Variants in FNBP1 observed in about 807,000 individuals in gnomAD.
The protein encoded by FNBP1 is formin-binding protein 1.
A neutral mutation model predicts 90.6 loss-of-function variants in FNBP1; 26 were observed. The observed-to-expected ratio is 0.29, with a 90% CI of 0.21 to 0.40. FNBP1 has a LOEUF of 0.40. Ranked by LOEUF, FNBP1 falls within the 10% of genes least tolerant of loss-of-function variation. The pLI is 1.00. For missense variants in FNBP1, 635 were observed against 768.0 expected, an observed-to-expected ratio of 0.83 and a Z score of 2.05; for synonymous variants, 260 against 265.2, an observed-to-expected ratio of 0.98 and a Z score of 0.19.
chr9:129,947,399 C>T (rs2045466311), intron 6 of FNBP1, among the ~76,000 whole-genome samples: 1 of 146,254 alleles, frequency 6.8e-6, no homozygotes, highest in Non-Finnish European at 1.5e-5. Flanking sequence ...GAGATCGCGC[C>T]ATTGCACTCC....
At chr9:130,002,056 T>C (rs539151246) in intron 1 of FNBP1, among the ~76,000 whole-genome samples, 3 of 141,044 alleles carry the variant, frequency 2.1e-5, no homozygotes, top group Admixed American at 7.1e-5. Context: ...AAGCCGGGCA[T>C]GGAGACCCAT....
chr9:130,020,966 C>T (rs2057772764), intron 1 of FNBP1, among the ~76,000 whole-genome samples: 2 of 151,970 alleles, frequency 1.3e-5, no homozygotes, highest in South Asian at 2.1e-4. Context: ...TACTCAGATC[C>T]CTGCCTCTGA....
intron 10 of FNBP1, among the ~76,000 whole-genome samples, chr9:129,917,396 A>G (rs1343186672): frequency 4.6e-5 from 7 of 151,948 alleles, no homozygotes; most frequent in Admixed American, 3.3e-4. Flanking sequence ...ATGGTGGCAC[A>G]ATCCCAGCTC....
intron 1 of FNBP1, among the ~76,000 whole-genome samples, chr9:130,012,615 G>T (rs2056761276): frequency 6.6e-6 from 1 of 152,056 alleles, no homozygotes; most frequent in Non-Finnish European, 1.5e-5. Flanking sequence ...TGGATCCTGA[G>T]GTAGGAAATT....
intron 10 of FNBP1, among the ~76,000 whole-genome samples, chr9:129,916,439 GAAAC>G (rs2040264481): frequency 1.3e-5 from 2 of 152,004 alleles, no homozygotes; most frequent in Non-Finnish European, 2.9e-5. Context: ...CCAACACGGA[GAAAC>G]CCTGTCTCTA....
chr9:129,988,614 T>C (rs1451086658), intron 2 of FNBP1, among the ~76,000 whole-genome samples: 1 of 151,458 alleles, frequency 6.6e-6, no homozygotes, highest in Middle Eastern at 3.5e-3. Context: ...GAGGTGGAGG[T>C]TGCAGTGAGC....
At chr9:130,028,724 A>T (rs1014318910) in intron 1 of FNBP1, among the ~76,000 whole-genome samples, 2 of 152,224 alleles carry the variant, frequency 1.3e-5, no homozygotes, top group African/African-American at 4.8e-5. Context: ...GCAACACGTT[A>T]TGACAGCTAT....
At chr9:129,914,438 A>C (rs1275623575) in intron 11 of FNBP1, among the ~76,000 whole-genome samples, 1 of 151,966 alleles carries the variant, frequency 6.6e-6, no homozygotes, top group East Asian at 1.9e-4. Context: ...AGACTGCCTA[A>C]AAATATTACC....
chr9:130,019,005 G>A (rs572991923), intron 1 of FNBP1, among the ~76,000 whole-genome samples: 2 of 152,174 alleles, frequency 1.3e-5, no homozygotes, highest in African/African-American at 4.8e-5. Flanking sequence ...CAAGTGGATC[G>A]CCTGAGCTCA....
At chr9:129,955,446 G>A (rs561765269) in intron 6 of FNBP1, among the ~76,000 whole-genome samples, 2 of 151,854 alleles carry the variant, frequency 1.3e-5, no homozygotes, top group Non-Finnish European at 2.9e-5. Context: ...ATGTTGCCCA[G>A]GCTGGATCTG....
intron 8 of FNBP1, among the ~76,000 whole-genome samples, chr9:129,925,828 A>T (rs2041822695): frequency 6.6e-6 from 1 of 151,664 alleles, no homozygotes; most frequent in Admixed American, 6.6e-5. Context: ...TCTTGACCTC[A>T]GGTGATCCGC....
chr9:129,926,600 G>A (rs1275579249), intron 8 of FNBP1, among the ~76,000 whole-genome samples: 1 of 151,918 alleles, frequency 6.6e-6, no homozygotes, highest in African/African-American at 2.4e-5. Flanking sequence ...AAGGAACCCT[G>A]TTTTGGCCGG....
At chr9:129,995,164 C>T (rs541572500) in intron 1 of FNBP1, among the ~76,000 whole-genome samples, 1 of 152,250 alleles carries the variant, frequency 6.6e-6, no homozygotes, top group African/African-American at 2.4e-5. Context: ...TGAACTCTGA[C>T]CTATTCATTC....
At chr9:129,935,869 T>C (rs2043363744) in intron 6 of FNBP1, among the ~76,000 whole-genome samples, 1 of 152,194 alleles carries the variant, frequency 6.6e-6, no homozygotes, top group African/African-American at 2.4e-5. Flanking sequence ...TATTTATACA[T>C]TGATCGAATG....
At chr9:129,983,969 A>G (rs1323142601) in intron 2 of FNBP1, among the ~76,000 whole-genome samples, 1 of 152,176 alleles carries the variant, frequency 6.6e-6, no homozygotes, top group East Asian at 1.9e-4. Flanking sequence ...TAGCCTGACT[A>G]AAAGGTAAAA....
chr9:129,968,020 T>C (rs1248854267), intron 4 of FNBP1, among the ~76,000 whole-genome samples: 1 of 150,734 alleles, frequency 6.6e-6, no homozygotes, highest in Non-Finnish European at 1.5e-5. Context: ...ACCAGACCAG[T>C]GGTTTTGCAG....
intron 1 of FNBP1, among the ~76,000 whole-genome samples, chr9:130,029,083 T>C (rs1406821152): frequency 3.3e-5 from 5 of 152,220 alleles, no homozygotes; most frequent in Non-Finnish European, 7.3e-5. Flanking sequence ...TTTTTACTAT[T>C]TGGTTAACTG....
Position 129,887,699 on chromosome 9 carries a change from AC to A in FNBP1, c.*2839del, listed in dbSNP as rs1192803468. 4.5e-6 allele frequency: 1 copy of A among 221,092 alleles called. No individual in the cohort carries two copies. Among genetic ancestry groups the A allele is most frequent in the African/African-American group, 2.2e-5 (1 of 44,616 alleles). 13.7% of individuals were successfully genotyped at this position (221,092 alleles called of 1,614,324 possible). ...GTGCCTTTTTATACTTTCCCATCCT[AC>A]AAAGGAAAAACTGGGTAAAGGACAA... On this transcript the variant is annotated 3_prime_UTR_variant, in exon 17 of 17. Transcript: ENST00000446176.
At chr9:129,972,535 C>CT (rs368848660) in intron 4 of FNBP1, among the ~76,000 whole-genome samples, 197 of 139,852 alleles carry the variant, frequency 1.4e-3, no homozygotes, top group African/African-American at 2.1e-3. Flanking sequence ...TTTTCTTTTT[C>CT]TTTTTTTTTT....
Sources: allele counts gnomAD v4.1 joint callset (sites outside exome capture counted in the v4.1 genomes callset), GRCh38; gene constraint gnomAD v4.1.1; transcripts MANE v1.5; gene names NCBI Gene and HGNC (gene_info 2026-07-23, HGNC 2026-07-21).